The following MGAT4B variants were observed in gnomAD, a reference collection of about 807,000 sequenced individuals.
MGAT4B encodes the protein N-acetylglucosaminyltransferase IVb.
MGAT4B carries 38 observed loss-of-function variants against 73.9 expected under a neutral mutation model. That is an observed-to-expected ratio of 0.51 (90% CI 0.40 to 0.67). The LOEUF is 0.67. Ranked by LOEUF, MGAT4B falls within the 30% of genes least tolerant of loss-of-function variation. MGAT4B has a pLI of 0.00. For synonymous variants in MGAT4B, 373 were observed against 313.5 expected (o/e 1.19, Z -2.01); for missense variants, 686 against 735.2 (o/e 0.93, Z 0.77).
At chr5:179,800,365 C>T (rs770500505) in intron 6 of MGAT4B, 106 bp from the exon 7 acceptor site, 100 of 1,464,886 alleles carry the variant, frequency 6.8e-5, no homozygotes, top group Middle Eastern at 5.2e-4. Context: ...CCCCCATGCA[C>T]GGGTCCTCCC....
At chr5:179,799,931 G>C (rs371368562) in intron 8 of MGAT4B, 23 bp downstream of exon 8, 10 of 1,587,822 alleles carry the variant, frequency 6.3e-6, no homozygotes, top group Non-Finnish European at 7.8e-6. Flanking sequence ...GAAAGGCACC[G>C]TCAGGTAAGG....
intron 5 of MGAT4B, 23 bp downstream of exon 5, chr5:179,800,884 T>A (rs1318250458): frequency 6.2e-7 from 1 of 1,612,168 alleles, no homozygotes; most frequent in South Asian, 1.1e-5. Context: ...CGCCACCAGC[T>A]CTCTGGGGTC....
At chr5:179,798,312 A>G (rs2113421956) in intron 13 of MGAT4B, 35 bp from the exon 14 acceptor site, 2 of 1,612,636 alleles carry the variant, frequency 1.2e-6, no homozygotes, top group East Asian at 4.5e-5. Context: ...GTGTCCCTGA[A>G]CCCCAGCCCA....
rs746398952 is a variant in MGAT4B at position 179,801,795 on chromosome 5, C to A, written c.272G>T (p.Gly91Val). Residue 91 changes from glycine (G) to valine (V), a missense_variant, in exon 2 of 15, where the codon GGC becomes GTC. Around this residue, in one of 2 missense-constraint regions of MGAT4B, gnomAD observed 237 missense variants for 198.5 expected, o/e 1.19. Coordinates refer to ENST00000292591, the MANE Select transcript of MGAT4B (RefSeq NM_014275.5). This position sits in a 1 kb window ranked among gnomAD's most constrained non-coding sequence, Gnocchi z 4.8. ...GCCCCAGACCTCACCTGTTAGGCGG[C>A]CCCAGGTGCGATTGCCGTCTCCGTC... ...LRDGDGNRTW[G>V]RLTEDPRLKP... is the part of the protein sequence containing the mutation. 1.3e-6 allele frequency: 2 copies of A among 1,589,204 alleles called. No homozygotes were observed. The highest frequency in any genetic ancestry group is 1.7e-6 in the Non-Finnish European group (2 of 1,164,286).
intron 11 of MGAT4B, 57 bp from the exon 12 acceptor site, chr5:179,798,648 A>T: frequency 6.3e-7 from 1 of 1,582,968 alleles, no homozygotes; most frequent in East Asian, 2.3e-5. Flanking sequence ...CACAGCACCC[A>T]GGGCCCAGCA....
intron 1 of MGAT4B, chr5:179,803,306 G>A (rs1757023603): frequency 1.0e-6 from 1 of 981,318 alleles, no homozygotes; most frequent in Non-Finnish European, 1.2e-6. Context: ...GGGAGGGAAA[G>A]GGGAGTCAGA....
At chr5:179,799,738 C>T (rs1008518467) in intron 8 of MGAT4B, 102 bp from the exon 9 acceptor site, 1 of 1,546,846 alleles carries the variant, frequency 6.5e-7, no homozygotes, top group Non-Finnish European at 8.9e-7. Context: ...AGGCTTCAGG[C>T]AGGTGTGGGC....
Position 179,801,351 on chromosome 5 carries a change from C to T in MGAT4B, c.541G>A (p.Val181Met), listed in dbSNP as rs1408564019. Residue 181 changes from valine (V) to methionine (M), a missense_variant, in exon 4 of 15, where the codon GTG becomes ATG. Physicochemically the swap from Val to Met is conservative, Grantham distance 21 (BLOSUM62 1). Transcript: ENST00000292591. This position sits in a 1 kb window ranked among gnomAD's most constrained non-coding sequence, Gnocchi z 4.8. Reference sequence around the variant, plus strand: ...TCACTCGCCTCGGCGATCAGCACCACGATGACCGAGTCCTCCTTCTCCTGC... The same window carrying T: ...TCACTCGCCTCGGCGATCAGCACCATGATGACCGAGTCCTCCTTCTCCTGC... ...SPQEKEDSVI[V>M]VLIAETDSQY... is the part of the protein sequence containing the mutation. 6 of 1,612,016 alleles carry T rather than the reference C, an allele frequency of 3.7e-6. No homozygotes were observed. The highest frequency in any genetic ancestry group is 5.1e-6 in the Non-Finnish European group (6 of 1,179,150).
Position 179,801,734 on chromosome 5 carries a change from C to G in MGAT4B, c.284-40G>C. 6.3e-7 allele frequency: 1 copy of G among 1,590,442 alleles called. No homozygotes were observed. Among genetic ancestry groups the G allele is most frequent in the South Asian group, 1.1e-5 (1 of 88,366 alleles). Reference sequence around the variant, plus strand: ...AAGGATCGGGACTGAGACCAGGGAACCTACAACCAGCCCGCCCCCGCCTTT... The same window carrying G: ...AAGGATCGGGACTGAGACCAGGGAAGCTACAACCAGCCCGCCCCCGCCTTT... On this transcript the variant is annotated intron_variant, in intron 2 of 14. Transcript: ENST00000292591. The surrounding 1 kb of genome is among the most constrained non-coding windows in gnomAD (Gnocchi z 4.8).
At position 179,806,536 on chromosome 5, in the gene MGAT4B, C is replaced by T. The variant is rs779964578; in HGVS notation, c.48G>A (p.Leu16=). 1 of 1,337,222 alleles carries T rather than the reference C, an allele frequency of 7.5e-7. No homozygotes were observed. Among genetic ancestry groups the T allele is most frequent in the South Asian group, 1.4e-5 (1 of 70,896 alleles). The allele number at this position is 1,337,222 out of a possible 1,614,324, so 82.8% of individuals were successfully genotyped here. Residue 16 remains leucine, a synonymous_variant, in exon 1 of 15, where the codon CTG becomes CTA. Coordinates refer to ENST00000292591, the MANE Select transcript of MGAT4B (RefSeq NM_014275.5). The surrounding 1 kb of genome is among the most constrained non-coding windows in gnomAD (Gnocchi z 4.6). ...GTFLTLLLFC[L]CAFLSLSWYA... is the part of the protein sequence containing the mutation. ...ACCAGGACAGCGAGAGGAAGGCGCA[C>T]AGGCAGAAGAGCAGCAGCGTCAGGA...
At position 179,800,551 on chromosome 5, in the gene MGAT4B, AG is replaced by A; in HGVS notation, c.651del (p.Ser218ProfsTer36). On this transcript the variant is annotated frameshift_variant, in exon 6 of 15. Coordinates refer to ENST00000292591, the MANE Select transcript of MGAT4B (RefSeq NM_014275.5). LOFTEE classifies it high-confidence loss of function. ...GAGAAGTCAGGGTAGAAGTGGGGGG[AG>A]GGTGAGATGACCTCCAGGAGCCCAG... ...IHSGLLEVIS[P>X]SPHFYPDFSR... 1.2e-6 allele frequency: 2 copies of A among 1,611,428 alleles called. No individual in the cohort carries two copies. The highest frequency in any genetic ancestry group is 1.7e-6 in the Non-Finnish European group (2 of 1,179,374).
intron 1 of MGAT4B, among the ~76,000 whole-genome samples, chr5:179,804,468 G>A (rs1757061036): frequency 6.6e-6 from 1 of 152,230 alleles, no homozygotes. Context: ...TCCTCAGCAG[G>A]TGCTTGACCG....
chr5:179,799,423 A>AT, intron 9 of MGAT4B, 83 bp downstream of exon 9: 2 of 1,608,312 alleles, frequency 1.2e-6, no homozygotes, highest in Admixed American at 3.3e-5. Flanking sequence ...ATGTGAGCAG[A>AT]TGCAAGGACA....
Position 179,801,225 on chromosome 5 carries a change from T to C in MGAT4B, c.558+109A>G. Reference sequence around the variant, plus strand: ...ATCTCGGAGCATTTGCGAATGAAACTAGCAACTGAACTTCCGACAGCTTTC... The same window carrying C: ...ATCTCGGAGCATTTGCGAATGAAACCAGCAACTGAACTTCCGACAGCTTTC... On this transcript the variant is annotated intron_variant, in intron 4 of 14. Transcript: ENST00000292591. The surrounding 1 kb of genome is among the most constrained non-coding windows in gnomAD (Gnocchi z 4.8). The C allele has an allele frequency of 7.0e-7, 1 of 1,423,676 alleles. No homozygotes were observed. The allele number at this position is 1,423,676 out of a possible 1,614,324, so 88.2% of individuals were successfully genotyped here.
At position 179,801,860 on chromosome 5, in the gene MGAT4B, G is replaced by C. The variant is rs758335140; in HGVS notation, c.207C>G (p.Asp69Glu). 1.2e-6 allele frequency: 2 copies of C among 1,611,484 alleles called. No individual in the cohort carries two copies. Among genetic ancestry groups the C allele is most frequent in the Non-Finnish European group, 1.7e-6 (2 of 1,178,606 alleles). ...TTTCTGACACGGCCCTCTTGATCTC[G>C]TCCAGCACCAGGTTGAGCTCCTTGG... ...KRSKELNLVLDEIKRAVSERQ... is the reference protein window; with the variant it reads ...KRSKELNLVLEEIKRAVSERQ... The change falls in exon 2 of 15, where the codon GAC (aspartate) becomes GAG (glutamate). Residue 69 changes from aspartate to glutamate, a missense_variant. Asp to Glu is a conservative substitution (Grantham distance 45). This residue lies in a region of MGAT4B where 237 missense variants were observed against 198.5 expected (regional missense o/e 1.19). Coordinates refer to ENST00000292591, the MANE Select transcript of MGAT4B (RefSeq NM_014275.5). The surrounding 1 kb of genome is among the most constrained non-coding windows in gnomAD (Gnocchi z 4.8).
chr5:179,799,880 C>T (rs1756829351), intron 8 of MGAT4B, 74 bp downstream of exon 8: 3 of 1,430,386 alleles, frequency 2.1e-6, no homozygotes, highest in Non-Finnish European at 2.9e-6. Flanking sequence ...ACAGTGGACA[C>T]AGTGGGACTG....
chr5:179,803,244 C>T (rs1447730034), intron 1 of MGAT4B: 1 of 985,398 alleles, frequency 1.0e-6, no homozygotes, highest in African/African-American at 1.7e-5. Flanking sequence ...CACACCCTGC[C>T]TCTCTGGGGC....
Position 179,800,071 on chromosome 5 carries a change from G to A in MGAT4B, c.796-3C>T. The A allele has an allele frequency of 6.2e-7, 1 of 1,613,518 alleles. No individual in the cohort carries two copies. Among genetic ancestry groups the A allele is most frequent in the Non-Finnish European group, 8.5e-7 (1 of 1,179,546 alleles). On this transcript the variant is annotated splice_region_variant and splice_polypyrimidine_tract_variant and intron_variant, in intron 7 of 14. Coordinates refer to ENST00000292591, the MANE Select transcript of MGAT4B (RefSeq NM_014275.5). The stretch of plus-strand genomic sequence containing the variant: ...TTGGCCACGATGTCATCCTCCAGCT[G>A]CGAGGTGAGCAGAGAGGGGCTGGGG...
intron 5 of MGAT4B, 120 bp from the exon 6 acceptor site, chr5:179,800,717 C>A (rs1018167986): frequency 3.0e-6 from 3 of 1,001,932 alleles, no homozygotes; most frequent in African/African-American, 3.3e-5. Context: ...ACCCCCTACA[C>A]CCAGCCAACT....
Sources: gnomAD v4.1 joint callset for allele counts (sites outside exome capture counted in the v4.1 genomes callset) on GRCh38, gnomAD v4.1.1 for gene constraint, gnomAD v4.1.1 regional missense constraint, Gnocchi (gnomAD v3.1) non-coding constraint, MANE v1.5 for transcripts, NCBI Gene and HGNC (gene_info 2026-07-23, HGNC 2026-07-21) for gene names.